STOX1: variants seen among roughly 807,000 people sequenced by gnomAD.
STOX1 encodes storkhead box 1, also known as storkhead-box protein 1.
Under a neutral mutation model 74.8 loss-of-function variants are expected in STOX1, and 57 were observed. The observed-to-expected ratio is 0.76, with a 90% confidence interval of 0.62 to 0.95. The LOEUF (loss-of-function observed/expected upper bound fraction) is 0.95, where lower values mean the gene tolerates loss of function less well. Ranked by LOEUF, STOX1 falls within the 40% of genes least tolerant of loss-of-function variation. The probability of loss-of-function intolerance (pLI) is 0.00; values close to 1 mark genes in which losing one functional copy is unlikely to be tolerated. For missense variants in STOX1, 1,010 were observed against 1,117.0 expected (o/e 0.90, Z 1.37); for synonymous variants, 375 against 401.3 (o/e 0.93, Z 0.78).
chr10:68,891,916 G>T (rs922278834), intron 3 of STOX1, among the ~76,000 whole-genome samples: 8 of 152,000 alleles, frequency 5.3e-5, no homozygotes, highest in Admixed American at 3.9e-4. Context: ...TGCCTCATAG[G>T]TTCAAGAGAT....
At chr10:68,892,227 C>T (rs928213903) in intron 3 of STOX1, among the ~76,000 whole-genome samples, 1 of 151,972 alleles carries the variant, frequency 6.6e-6, no homozygotes, top group Non-Finnish European at 1.5e-5. Context: ...TTTTCTCTTC[C>T]ATATGATTTC....
intron 1 of STOX1, among the ~76,000 whole-genome samples, chr10:68,835,925 G>A (rs997908563): frequency 3.9e-5 from 6 of 152,194 alleles, no homozygotes; most frequent in Admixed American, 1.3e-4. Flanking sequence ...AGGCTGGAGT[G>A]CAGTGGTGTG....
At chr10:68,893,483 T>A (rs1319933541), downstream of STOX1, among the ~76,000 whole-genome samples, 1 of 152,220 alleles carries the variant, frequency 6.6e-6, no homozygotes, top group African/African-American at 2.4e-5. Context: ...AGTCGCACAA[T>A]CTCGGCTCAC....
intron 1 of STOX1, among the ~76,000 whole-genome samples, chr10:68,864,547 T>G (rs1263648734): frequency 1.3e-5 from 2 of 152,226 alleles, no homozygotes; most frequent in Non-Finnish European, 2.9e-5. Flanking sequence ...TTTAACAATC[T>G]GAGTTCTCCC....
intron 3 of STOX1, among the ~76,000 whole-genome samples, chr10:68,887,384 G>A (rs1176339738): frequency 6.6e-6 from 1 of 152,132 alleles, no homozygotes; most frequent in African/African-American, 2.4e-5. Flanking sequence ...CTGGATTCAA[G>A]TGATTCTCCT....
chr10:68,874,192 T>TA (rs1840619667), intron 1 of STOX1, among the ~76,000 whole-genome samples: 3 of 151,980 alleles, frequency 2.0e-5, no homozygotes, highest in Non-Finnish European at 2.9e-5. Flanking sequence ...AAACTAAAGA[T>TA]AACATCTTAA....
intron 1 of STOX1, chr10:68,828,873 A>G (rs143865986): frequency 9.5e-6 from 6 of 634,584 alleles, no homozygotes; most frequent in Non-Finnish European, 1.2e-5. Context: ...AGTCTTTTCA[A>G]ACTTAACTGT....
chr10:68,858,990 C>T (rs1430668514), intron 1 of STOX1, among the ~76,000 whole-genome samples: 3 of 152,094 alleles, frequency 2.0e-5, no homozygotes, highest in Non-Finnish European at 4.4e-5. Flanking sequence ...GAGGCCTCTG[C>T]TGGGCTTCGT....
intron 1 of STOX1, among the ~76,000 whole-genome samples, chr10:68,849,319 G>A (rs1215139445): frequency 6.6e-6 from 1 of 152,108 alleles, no homozygotes; most frequent in Non-Finnish European, 1.5e-5. Context: ...GCATAGATGT[G>A]TTCCATGCTG....
chr10:68,833,566 G>A (rs1010282041), intron 1 of STOX1, among the ~76,000 whole-genome samples: 9 of 152,232 alleles, frequency 5.9e-5, no homozygotes, highest in African/African-American at 1.9e-4. Context: ...GTACGTGACA[G>A]GGGCTGCATG....
At chr10:68,889,536 G>A (rs999330495) in intron 3 of STOX1, among the ~76,000 whole-genome samples, 4 of 152,104 alleles carry the variant, frequency 2.6e-5, no homozygotes, top group Non-Finnish European at 4.4e-5. Context: ...TCCTGTTATT[G>A]ATAAATGTAG....
At chr10:68,851,995 G>A (rs1442011285) in intron 1 of STOX1, among the ~76,000 whole-genome samples, 8 of 152,024 alleles carry the variant, frequency 5.3e-5, no homozygotes, top group Non-Finnish European at 1.2e-4. Flanking sequence ...TTAGCCAGGC[G>A]TGGTGGTGAA....
At position 68,884,561 on chromosome 10, in the gene STOX1, T is replaced by A. The variant is rs1564587616; in HGVS notation, c.765T>A (p.Val255=). 6.2e-7 allele frequency: 1 copy of A among 1,613,770 alleles called. No homozygotes were observed. The highest frequency in any genetic ancestry group is 8.5e-7 in the Non-Finnish European group (1 of 1,180,028). ...TCCGGGACATGCACACTCAGGATGT[T>A]CAGGAAGCACCAGTTGCTGCAGAAG... The part of the protein sequence containing the change: ...QCFRDMHTQD[V]QEAPVAAEVT... The change falls in exon 3 of 4, where the codon GTT becomes GTA. Residue 255 remains valine (V), a synonymous_variant. Transcript: ENST00000298596.
At chr10:68,857,706 G>A (rs755954143) in intron 1 of STOX1, among the ~76,000 whole-genome samples, 1 of 152,110 alleles carries the variant, frequency 6.6e-6, no homozygotes, top group Non-Finnish European at 1.5e-5. Flanking sequence ...GTGGAGTGGT[G>A]ACCCAGCAGT....
intron 1 of STOX1, among the ~76,000 whole-genome samples, chr10:68,829,203 G>C (rs1011729227): frequency 6.6e-6 from 1 of 152,224 alleles, no homozygotes; most frequent in Admixed American, 6.5e-5. Context: ...GGCCAGGCGC[G>C]GTGGCGCTCG....
intron 1 of STOX1, among the ~76,000 whole-genome samples, chr10:68,850,759 C>T (rs1839963908): frequency 6.6e-6 from 1 of 152,098 alleles, no homozygotes; most frequent in Non-Finnish European, 1.5e-5. Context: ...ATTGCATGAG[C>T]TCAGGAGTTC....
At chr10:68,839,982 C>T (rs1361584622) in intron 1 of STOX1, among the ~76,000 whole-genome samples, 3 of 152,106 alleles carry the variant, frequency 2.0e-5, no homozygotes, top group Non-Finnish European at 4.4e-5. Context: ...CCAGCATAAA[C>T]ACAGATATAT....
chr10:68,855,505 C>G (rs1057096016), intron 1 of STOX1, among the ~76,000 whole-genome samples: 7 of 151,850 alleles, frequency 4.6e-5, no homozygotes, highest in African/African-American at 1.5e-4. Context: ...GTGGCATGAT[C>G]TCAGTTCACT....
Position 68,882,130 on chromosome 10 carries a change from T to C in STOX1, c.463+20T>C. The C allele has an allele frequency of 6.2e-7, 1 of 1,611,872 alleles. No individual in the cohort carries two copies. Among genetic ancestry groups the C allele is most frequent in the Non-Finnish European group, 8.5e-7 (1 of 1,178,142 alleles). ...ACCCAGGTAGAGTAATAAATTTTTGTCTATTTGTACTTCACTGTATGTGTT... is the reference window on the plus strand; with the variant it reads ...ACCCAGGTAGAGTAATAAATTTTTGCCTATTTGTACTTCACTGTATGTGTT... On this transcript the variant is annotated intron_variant, in intron 2 of 3. Transcript: ENST00000298596.
Sources: gnomAD v4.1 joint callset for allele counts (sites outside exome capture counted in the v4.1 genomes callset) on GRCh38, gnomAD v4.1.1 for gene constraint, MANE v1.5 for transcripts, NCBI Gene and HGNC (gene_info 2026-07-23, HGNC 2026-07-21) for gene names.